CARMIL1: variants seen among roughly 807,000 people sequenced by gnomAD.
CARMIL1 encodes the protein F-actin-uncapping protein LRRC16A.
In CARMIL1, 90 loss-of-function variants were observed where a neutral mutation model predicts 177.1. The ratio of observed to expected loss-of-function variants is 0.51; its 90% CI spans 0.43 to 0.61. CARMIL1 has a LOEUF of 0.61. CARMIL1 is among the 20% of genes least tolerant of loss of function. CARMIL1 has a pLI of 0.00. For missense variants in CARMIL1, 1,380 were observed against 1,667.0 expected, an observed-to-expected ratio of 0.83 and a Z score of 3.00; for synonymous variants, 577 against 606.2, an observed-to-expected ratio of 0.95 and a Z score of 0.71.
rs564335860 is a variant in CARMIL1, at chr6:25,454,662, A to G, written c.614+3951A>G. Reference sequence around the variant, plus strand: ...AAAACAATTTTTTACTGTTTTTTTTACTAGTCTTACTATTAAAATTAGAGC... The same window carrying G: ...AAAACAATTTTTTACTGTTTTTTTTGCTAGTCTTACTATTAAAATTAGAGC... On this transcript the variant is annotated intron_variant, in intron 8 of 36. Transcript: ENST00000329474. 3.9e-5 allele frequency among the ~76,000 whole-genome samples: 6 copies of G among 152,338 alleles called. No individual in the cohort carries two copies. In the South Asian group the frequency reaches 1.2e-3, roughly 32 times the overall value.
At chr6:25,468,941 G>C (rs1398968436) in intron 9 of CARMIL1, among the ~76,000 whole-genome samples, 1 of 152,182 alleles carries the variant, frequency 6.6e-6, no homozygotes. Context: ...ATTATTTCTG[G>C]TTATTAGGAT....
At chr6:25,355,506 G>A (rs1177997791) in intron 2 of CARMIL1, among the ~76,000 whole-genome samples, 1 of 152,118 alleles carries the variant, frequency 6.6e-6, no homozygotes. Flanking sequence ...TTAATTGGGT[G>A]TGGTGGTGTG....
chr6:25,550,885 T>C, intron 26 of CARMIL1, 25 bp from the exon 27 acceptor site: 1 of 1,604,070 alleles, frequency 6.2e-7, no homozygotes, highest in African/African-American at 1.3e-5. Context: ...CATCATCTCT[T>C]CCCTTCACTT....
At chr6:25,604,422 T>C (rs1489032651) in intron 33 of CARMIL1, among the ~76,000 whole-genome samples, 1 of 152,188 alleles carries the variant, frequency 6.6e-6, no homozygotes, top group East Asian at 1.9e-4. Flanking sequence ...GAGCAGATTC[T>C]GTACATTTCT....
intron 36 of CARMIL1, 68 bp downstream of exon 36, chr6:25,610,249 G>A: frequency 6.6e-7 from 1 of 1,510,004 alleles, no homozygotes; most frequent in Non-Finnish European, 8.9e-7. Flanking sequence ...CAAAATAAAG[G>A]AACTCATCCT....
intron 1 of CARMIL1, 90 bp from the exon 2 acceptor site, chr6:25,284,722 A>T (rs1437079699): frequency 1.4e-6 from 1 of 725,880 alleles, no homozygotes; most frequent in East Asian, 2.8e-5. Context: ...AGACAACAAC[A>T]GTAAAAACAA....
At chr6:25,369,070 GTAAC>G (rs1327722493) in intron 2 of CARMIL1, among the ~76,000 whole-genome samples, 7 of 152,364 alleles carry the variant, frequency 4.6e-5, no homozygotes, top group Non-Finnish European at 8.8e-5. Context: ...AGGAGTGTAA[GTAAC>G]TAAGTTTATC....
chr6:25,517,317 G>T (rs1262333745), intron 21 of CARMIL1, 30 bp from the exon 22 acceptor site: 3 of 1,556,268 alleles, frequency 1.9e-6, no homozygotes, highest in South Asian at 1.1e-5. Flanking sequence ...TTAAGTGTCT[G>T]ATCATTTATG....
chr6:25,538,916 A>G (rs1000299261), intron 25 of CARMIL1, among the ~76,000 whole-genome samples: 1 of 152,012 alleles, frequency 6.6e-6, no homozygotes, highest in Non-Finnish European at 1.5e-5. Context: ...TGTCTATGTA[A>G]TGGGTCCTCC....
In CARMIL1 at chr6:25,434,054, T is replaced by C. The variant is rs189251360; in HGVS notation, c.250-1429T>C. Among the ~76,000 whole-genome samples the C allele has an allele frequency of 1.8e-4, 27 of 152,210 alleles. No individual in the cohort carries two copies. In the East Asian group the frequency reaches 4.6e-3, roughly 26 times the overall value. Reference sequence around the variant, plus strand: ...TTGAAGAAGTGATAATCTAAGAGGATTGCATTTTATGGGAATTTTTTGGGG... The same window carrying C: ...TTGAAGAAGTGATAATCTAAGAGGACTGCATTTTATGGGAATTTTTTGGGG... On this transcript the variant is annotated intron_variant, in intron 4 of 36. Transcript: ENST00000329474.
At chr6:25,513,503 G>A (rs1805651550) in intron 20 of CARMIL1, among the ~76,000 whole-genome samples, 1 of 152,148 alleles carries the variant, frequency 6.6e-6, no homozygotes, top group Non-Finnish European at 1.5e-5. Context: ...GAAAGCCATG[G>A]TATATTTGGA....
intron 2 of CARMIL1, among the ~76,000 whole-genome samples, chr6:25,348,546 G>T (rs1787782267): frequency 6.6e-6 from 1 of 151,960 alleles, no homozygotes; most frequent in South Asian, 2.1e-4. Context: ...CACTTTGGGA[G>T]GCCGAGCTGG....
chr6:25,421,882 AG>A (rs1239645541), intron 3 of CARMIL1, among the ~76,000 whole-genome samples: 31 of 54,936 alleles, frequency 5.6e-4, no homozygotes, highest in South Asian at 4.7e-3. Flanking sequence ...GGGTGGGGGG[AG>A]GGGGGGAGGG....
chr6:25,423,813 T>C (rs1377286579), intron 3 of CARMIL1, among the ~76,000 whole-genome samples: 1 of 152,216 alleles, frequency 6.6e-6, no homozygotes, highest in African/African-American at 2.4e-5. Context: ...TGTGGTGATA[T>C]TTAATTAGTG....
chr6:25,441,337 A>ATATATATATATATGTGTGTGTGTGTGTG, intron 5 of CARMIL1, among the ~76,000 whole-genome samples: 1 of 94,534 alleles, frequency 1.1e-5, no homozygotes, highest in Non-Finnish European at 2.0e-5. Flanking sequence ...ATATATATAT[A>ATATATATATATATGTGTGTGTGTGTGTG]TGTGTGTGTG....
intron 2 of CARMIL1, among the ~76,000 whole-genome samples, chr6:25,312,911 A>G (rs1213897909): frequency 7.1e-6 from 1 of 140,080 alleles, no homozygotes; most frequent in African/African-American, 2.9e-5. Flanking sequence ...CAGTTAAAAA[A>G]AAAAAAAAAA....
chr6:25,311,713 T>C (rs1036030393), intron 2 of CARMIL1, among the ~76,000 whole-genome samples: 2 of 151,478 alleles, frequency 1.3e-5, no homozygotes, highest in African/African-American at 4.9e-5. Flanking sequence ...ACACACCTAA[T>C]AGATATGATA....
chr6:25,487,130 C>T (rs1562204126), intron 12 of CARMIL1, among the ~76,000 whole-genome samples: 1 of 152,272 alleles, frequency 6.6e-6, no homozygotes, highest in East Asian at 1.9e-4. Flanking sequence ...CTTTATCAGA[C>T]ACACACTAGA....
intron 29 of CARMIL1, among the ~76,000 whole-genome samples, chr6:25,560,503 AG>A (rs1811014392): frequency 6.6e-6 from 1 of 152,138 alleles, no homozygotes; most frequent in African/African-American, 2.4e-5. Context: ...TGTGACGTTC[AG>A]GCACTATTCT....
Sources: gnomAD v4.1 joint callset for allele counts (sites outside exome capture counted in the v4.1 genomes callset) on GRCh38, gnomAD v4.1.1 for gene constraint, MANE v1.5 for transcripts, NCBI Gene and HGNC (gene_info 2026-07-23, HGNC 2026-07-21) for gene names.